Variants in TEAD4 observed in about 807,000 individuals in gnomAD.
The protein encoded by TEAD4 is TEA domain transcription factor 4.
TEAD4 carries 36 observed loss-of-function variants against 52.4 expected under a neutral mutation model. The observed-to-expected ratio is 0.69, with a 90% CI of 0.53 to 0.91. The LOEUF is 0.91. Ranked by LOEUF, TEAD4 falls within the 40% of genes least tolerant of loss-of-function variation. The pLI, the probability that TEAD4 is intolerant of heterozygous loss-of-function variation, is 0.00. For missense variants in TEAD4, 508 were observed against 583.9 expected (o/e 0.87, Z 1.34); for synonymous variants, 220 against 231.0 (o/e 0.95, Z 0.43).
At chr12:2,997,152 C>T (rs1246908532) in intron 3 of TEAD4, among the ~76,000 whole-genome samples, 1 of 152,132 alleles carries the variant, frequency 6.6e-6, no homozygotes, top group Non-Finnish European at 1.5e-5. Flanking sequence ...TGTGAATGTT[C>T]CCTTAAGGCC....
intron 2 of TEAD4, among the ~76,000 whole-genome samples, chr12:2,986,201 T>C (rs2098238362): frequency 6.6e-6 from 1 of 152,170 alleles, no homozygotes; most frequent in African/African-American, 2.4e-5. Flanking sequence ...CCTGCCCCAC[T>C]GGAAAGCGTT....
At chr12:3,018,898 G>A (rs1355261930) in intron 7 of TEAD4, among the ~76,000 whole-genome samples, 1 of 152,104 alleles carries the variant, frequency 6.6e-6, no homozygotes, top group Non-Finnish European at 1.5e-5. Context: ...GGGAGGAGGA[G>A]AGGGAGGGGT....
intron 10 of TEAD4, among the ~76,000 whole-genome samples, chr12:3,024,762 CTT>C (rs2098271011): frequency 6.6e-6 from 1 of 152,104 alleles, no homozygotes; most frequent in African/African-American, 2.4e-5. Flanking sequence ...ATAAATGGCT[CTT>C]GCATATTTTT....
chr12:2,976,591 C>T (rs1442933106), intron 2 of TEAD4, among the ~76,000 whole-genome samples: 2 of 152,246 alleles, frequency 1.3e-5, no homozygotes, highest in Non-Finnish European at 2.9e-5. Context: ...CCTCTGTTCA[C>T]CACTTGCCTT....
intron 3 of TEAD4, among the ~76,000 whole-genome samples, chr12:3,008,923 T>C (rs977825438): frequency 2.0e-5 from 3 of 152,166 alleles, no homozygotes; most frequent in African/African-American, 7.2e-5. Flanking sequence ...TCGCAGCTCT[T>C]GGGAACCTCT....
intron 2 of TEAD4, among the ~76,000 whole-genome samples, chr12:2,980,358 C>T (rs1252329267): frequency 6.6e-6 from 1 of 152,216 alleles, no homozygotes; most frequent in East Asian, 1.9e-4. Flanking sequence ...CAGGCTACCC[C>T]TCCCTCCAAC....
At chr12:3,035,865 G>A (rs1413246199) in intron 10 of TEAD4, among the ~76,000 whole-genome samples, 4 of 148,382 alleles carry the variant, frequency 2.7e-5, no homozygotes, top group South Asian at 2.2e-4. Flanking sequence ...ACAGGAGCCC[G>A]AAAGCCTGGG....
intron 5 of TEAD4, among the ~76,000 whole-genome samples, chr12:3,013,577 T>C (rs2098262099): frequency 6.6e-6 from 1 of 152,102 alleles, no homozygotes; most frequent in African/African-American, 2.4e-5. Flanking sequence ...CTACTAAAAA[T>C]ATAAAAATTA....
Position 3,040,279 on chromosome 12 carries a change from G to A in TEAD4, c.1191+20G>A, listed in dbSNP as rs749134125. ...CTGCAGGTGTGCGGCGGGTGCTGCGGGTGTGGCTGGAGTCTGTGTGTGGGT... is the reference window on the plus strand; with the variant it reads ...CTGCAGGTGTGCGGCGGGTGCTGCGAGTGTGGCTGGAGTCTGTGTGTGGGT... On this transcript the variant is annotated intron_variant, in intron 12 of 12. Coordinates refer to ENST00000359864, the MANE Select transcript of TEAD4 (RefSeq NM_003213.4). 1.2e-6 allele frequency: 2 copies of A among 1,614,074 alleles called. No individual in the cohort carries two copies. Among genetic ancestry groups the A allele is most frequent in the African/African-American group, 2.7e-5 (2 of 75,028 alleles).
At chr12:2,993,338 T>TA (rs893237776) in intron 2 of TEAD4, among the ~76,000 whole-genome samples, 7 of 152,100 alleles carry the variant, frequency 4.6e-5, no homozygotes, top group Non-Finnish European at 7.4e-5. Context: ...GAACATTTTG[T>TA]AAAAAAAATT....
intron 2 of TEAD4, among the ~76,000 whole-genome samples, chr12:2,987,085 G>A (rs1252561288): frequency 1.3e-5 from 2 of 152,164 alleles, no homozygotes; most frequent in Admixed American, 6.5e-5. Context: ...ACTTGGTTTT[G>A]GGCATGTTGA....
chr12:3,020,584 AG>A (rs745432098), intron 8 of TEAD4, 49 bp from the exon 9 acceptor site: 1 of 1,479,670 alleles, frequency 6.8e-7, no homozygotes, highest in East Asian at 2.6e-5. Context: ...GGGTGCGGGC[AG>A]GGCGGGTGTC....
chr12:3,038,236 G>A, intron 11 of TEAD4, 128 bp downstream of exon 11: 1 of 1,275,256 alleles, frequency 7.8e-7, no homozygotes. Context: ...TGCCTTCCCT[G>A]TCTGCTGTCA....
Position 3,016,748 on chromosome 12 carries a change from A to G in TEAD4, c.355-650A>G, listed in dbSNP as rs191171088. 2.0e-5 allele frequency among the ~76,000 whole-genome samples: 3 copies of G among 152,098 alleles called. No individual in the cohort carries two copies. In the South Asian group the frequency reaches 6.2e-4, roughly 31 times the overall value. ...CTGGCTTATATGAATATAACAAACG[A>G]TTACTATTGTTACCCGTGCCATCCA... On this transcript the variant is annotated intron_variant, in intron 5 of 12. Transcript: ENST00000359864.
chr12:2,999,523 T>TTAAC (rs1243496155), intron 3 of TEAD4, among the ~76,000 whole-genome samples: 1 of 152,170 alleles, frequency 6.6e-6, no homozygotes, highest in Non-Finnish European at 1.5e-5. Flanking sequence ...GCACGGCAGA[T>TTAAC]TAACACCTGC....
chr12:2,993,892 T>G (rs1379961683), intron 2 of TEAD4, among the ~76,000 whole-genome samples: 1 of 152,246 alleles, frequency 6.6e-6, no homozygotes, highest in Non-Finnish European at 1.5e-5. Context: ...CTGCAGCACG[T>G]GTCCCGGTTG....
intron 2 of TEAD4, among the ~76,000 whole-genome samples, chr12:2,977,912 C>T (rs919078481): frequency 4.6e-5 from 7 of 152,296 alleles, no homozygotes; most frequent in African/African-American, 9.6e-5. Flanking sequence ...CTGGCCCTTC[C>T]GAAATCACAA....
intron 10 of TEAD4, among the ~76,000 whole-genome samples, chr12:3,031,842 G>A (rs2098275775): frequency 6.6e-6 from 1 of 152,188 alleles, no homozygotes; most frequent in Non-Finnish European, 1.5e-5. Context: ...TGAGCAGCCT[G>A]ACCCCAGGGT....
chr12:3,025,343 A>G (rs536799161), intron 10 of TEAD4, among the ~76,000 whole-genome samples: 1 of 152,068 alleles, frequency 6.6e-6, no homozygotes, highest in Non-Finnish European at 1.5e-5. Context: ...TATTGGTATA[A>G]CCCCTTCATT....
Sources: gnomAD v4.1 joint callset for allele counts (sites outside exome capture counted in the v4.1 genomes callset) on GRCh38, gnomAD v4.1.1 for gene constraint, MANE v1.5 for transcripts, NCBI Gene and HGNC (gene_info 2026-07-23, HGNC 2026-07-21) for gene names.